Variants in DDHD1 observed in about 807,000 individuals in gnomAD.
The protein encoded by DDHD1 is DDHD domain containing 1.
A neutral mutation model predicts 96.4 loss-of-function variants in DDHD1; 49 were observed. That is an observed-to-expected ratio of 0.51 (90% CI 0.40 to 0.64). The LOEUF (loss-of-function observed/expected upper bound fraction) is 0.64, where lower values mean the gene tolerates loss of function less well. Ranked by LOEUF, DDHD1 falls within the 30% of genes least tolerant of loss-of-function variation. The pLI is 0.00. For synonymous variants in DDHD1, 442 were observed against 446.5 expected (o/e 0.99, Z 0.13); for missense variants, 1,106 against 1,161.2 (o/e 0.95, Z 0.69).
At chr14:53,146,543 A>G (rs1890997171) in intron 1 of DDHD1, among the ~76,000 whole-genome samples, 1 of 152,224 alleles carries the variant, frequency 6.6e-6, no homozygotes, top group South Asian at 2.1e-4. Flanking sequence ...CTTGTTCACA[A>G]TCTGTTGATG....
At chr14:53,057,320 G>T (rs1171605546) in intron 9 of DDHD1, among the ~76,000 whole-genome samples, 1 of 152,036 alleles carries the variant, frequency 6.6e-6, no homozygotes, top group Non-Finnish European at 1.5e-5. Flanking sequence ...TCCCAAAGAA[G>T]TATTAAGGGG....
intron 4 of DDHD1, among the ~76,000 whole-genome samples, chr14:53,087,530 T>C (rs1566553038): frequency 6.6e-6 from 1 of 152,046 alleles, no homozygotes; most frequent in Non-Finnish European, 1.5e-5. Context: ...CACAAATACA[T>C]GGAAACTGAA....
At chr14:53,136,148 G>A (rs1001063162) in intron 1 of DDHD1, among the ~76,000 whole-genome samples, 10 of 151,992 alleles carry the variant, frequency 6.6e-5, no homozygotes, top group African/African-American at 1.7e-4. Flanking sequence ...CCCCCTGCCC[G>A]CAAAACATTG....
At position 53,109,422 on chromosome 14, in the gene DDHD1, A is replaced by ATTTTCTAGTCTCCTATTTTCTC. The variant is rs560075888; in HGVS notation, c.839-5567_839-5566insGAGAAAATAGGAGACTAGAAAA. On this transcript the variant is annotated intron_variant, in intron 1 of 12. Coordinates refer to ENST00000673822, the MANE Select transcript of DDHD1 (RefSeq NM_001160148.2). ...CCTTCTCCTATTTTCTCAGTCTCTT[A>ATTTTCTAGTCTCCTATTTTCTC]AGCCTTTCCTTACCCAGCTCTTCCC... is the stretch of plus-strand genomic sequence containing the variant. Among the ~76,000 whole-genome samples the ATTTTCTAGTCTCCTATTTTCTC allele has an allele frequency of 6.3e-3, 952 of 152,158 alleles. 3 individuals carry two copies. Among genetic ancestry groups the ATTTTCTAGTCTCCTATTTTCTC allele is most frequent in the Middle Eastern group, 0.014 (4 of 294 alleles).
At chr14:53,051,289 A>G (rs960302528) in intron 12 of DDHD1, among the ~76,000 whole-genome samples, 9 of 151,934 alleles carry the variant, frequency 5.9e-5, no homozygotes, top group African/African-American at 2.2e-4. Flanking sequence ...ATAGTGATAC[A>G]TTTAGAATAT....
intron 4 of DDHD1, among the ~76,000 whole-genome samples, chr14:53,086,563 G>A (rs1163682083): frequency 2.0e-4 from 3 of 14,828 alleles, no homozygotes; most frequent in Non-Finnish European, 2.6e-4. Flanking sequence ...AGCTTCATAA[G>A]TGAAGGAGAA....
chr14:53,112,435 C>T (rs570836170), intron 1 of DDHD1, among the ~76,000 whole-genome samples: 2 of 151,730 alleles, frequency 1.3e-5, no homozygotes, highest in East Asian at 3.9e-4. Context: ...AAAAAAGTTA[C>T]ACAGTTTAAT....
At chr14:53,068,395 C>A (rs777172790) in intron 6 of DDHD1, among the ~76,000 whole-genome samples, 1 of 151,894 alleles carries the variant, frequency 6.6e-6, no homozygotes, top group Non-Finnish European at 1.5e-5. Flanking sequence ...ACAGCCCAAA[C>A]CACCATACAT....
intron 6 of DDHD1, among the ~76,000 whole-genome samples, chr14:53,063,718 T>C (rs142352107): frequency 2.0e-5 from 3 of 152,192 alleles, no homozygotes; most frequent in African/African-American, 7.2e-5. Flanking sequence ...CACTGAATGA[T>C]TGAAGAAAAA....
At chr14:53,101,035 A>G (rs1743877905) in intron 2 of DDHD1, among the ~76,000 whole-genome samples, 1 of 152,208 alleles carries the variant, frequency 6.6e-6, no homozygotes, top group Non-Finnish European at 1.5e-5. Flanking sequence ...TGCCTACCAC[A>G]TTACTATACA....
Position 53,151,258 on chromosome 14 carries a change from T to A in DDHD1, c.838+1003A>T, listed in dbSNP as rs567355675. On this transcript the variant is annotated intron_variant, in intron 1 of 12. Transcript: ENST00000673822. ...TGTTGTATGGAGGATCTAAAGGTTG[T>A]CACAATCAATGAAGACATCTAAGTT... Among the ~76,000 whole-genome samples the A allele has an allele frequency of 2.0e-5, 3 of 152,338 alleles. No homozygotes were observed. The East Asian group carries it at 5.8e-4, about 29-fold the overall frequency.
chr14:53,149,713 T>TTATAAGC (rs1300283288), intron 1 of DDHD1: 1 of 152,216 alleles, frequency 6.6e-6, no homozygotes, highest in Non-Finnish European at 1.5e-5. Context: ...CTTATGCTAG[T>TTATAAGC]TATAAGCTAT....
chr14:53,060,859 A>G (rs1883488030), intron 8 of DDHD1, among the ~76,000 whole-genome samples: 2 of 152,072 alleles, frequency 1.3e-5, no homozygotes, highest in Admixed American at 1.3e-4. Flanking sequence ...CAAAATTAGA[A>G]CCTCCCTCTC....
intron 1 of DDHD1, among the ~76,000 whole-genome samples, chr14:53,133,521 G>A (rs1208732974): frequency 6.6e-6 from 1 of 152,148 alleles, no homozygotes. Context: ...CTCAGGAAAG[G>A]TAGAAAGAAC....
intron 6 of DDHD1, among the ~76,000 whole-genome samples, chr14:53,066,845 T>C (rs1293428380): frequency 6.6e-6 from 1 of 151,314 alleles, no homozygotes; most frequent in Non-Finnish European, 1.5e-5. Context: ...CTCGTGCCCG[T>C]AGTCCCAGCT....
rs750047695 is a variant in DDHD1 at position 53,055,733 on chromosome 14, A to G, written c.2172T>C (p.Pro724=). 6 of 1,614,040 alleles carry G rather than the reference A, an allele frequency of 3.7e-6. No homozygotes were observed. Among genetic ancestry groups the G allele is most frequent in the Non-Finnish European group, 5.1e-6 (6 of 1,180,006 alleles). ...ENEGISTIPS[P]VTSPVLSRRH... Reference sequence around the variant, plus strand: ...GGCGGGACAAAACTGGTGAGGTCACAGGGCTTGGTATGGTTGAAATGCCTT... The same window carrying G: ...GGCGGGACAAAACTGGTGAGGTCACGGGGCTTGGTATGGTTGAAATGCCTT... Residue 724 remains proline (P), a synonymous_variant, in exon 10 of 13, where the codon CCT becomes CCC. Transcript: ENST00000673822.
At chr14:53,148,656 T>G (rs1161228083) in intron 1 of DDHD1, among the ~76,000 whole-genome samples, 1 of 152,248 alleles carries the variant, frequency 6.6e-6, no homozygotes, top group Admixed American at 6.5e-5. Flanking sequence ...ATCTCTAGAA[T>G]GTTCCATATG....
chr14:53,113,390 CAAAAAAA>C (rs60704615), intron 1 of DDHD1, among the ~76,000 whole-genome samples: 3 of 118,260 alleles, frequency 2.5e-5, no homozygotes, highest in Admixed American at 8.4e-5. Flanking sequence ...CTGTACAAGC[CAAAAAAA>C]AAAAAAAAAA....
At chr14:53,122,374 G>A (rs2139803973) in intron 1 of DDHD1, among the ~76,000 whole-genome samples, 1 of 152,192 alleles carries the variant, frequency 6.6e-6, no homozygotes, top group East Asian at 1.9e-4. Flanking sequence ...ACTATCCCGA[G>A]GGCAGATTTC....
Sources: gnomAD v4.1 joint callset for allele counts (sites outside exome capture counted in the v4.1 genomes callset) on GRCh38, gnomAD v4.1.1 for gene constraint, MANE v1.5 for transcripts, NCBI Gene and HGNC (gene_info 2026-07-23, HGNC 2026-07-21) for gene names.